Variants in HSD17B12 observed in about 807,000 individuals in gnomAD.
HSD17B12 encodes hydroxysteroid 17-beta dehydrogenase 12.
HSD17B12 carries 32 observed loss-of-function variants against 39.3 expected under a neutral mutation model. The observed-to-expected ratio is 0.81, with a 90% CI of 0.61 to 1.09. The LOEUF (loss-of-function observed/expected upper bound fraction) is 1.09. HSD17B12 is among the 50% of genes least tolerant of loss of function. The pLI is 0.00. For missense variants in HSD17B12, 342 were observed against 382.9 expected (o/e 0.89, Z 0.89); for synonymous variants, 150 against 146.7 (o/e 1.02, Z -0.16).
chr11:43,727,024 C>A (rs571366745), intron 1 of HSD17B12, among the ~76,000 whole-genome samples: 1 of 152,180 alleles, frequency 6.6e-6, no homozygotes, highest in South Asian at 2.1e-4. Context: ...AAATGTGAGA[C>A]CACAGTTATT....
chr11:43,806,898 A>G (rs1211227320), intron 4 of HSD17B12, among the ~76,000 whole-genome samples: 2 of 152,216 alleles, frequency 1.3e-5, no homozygotes, highest in African/African-American at 4.8e-5. Flanking sequence ...ATTTGATTAT[A>G]TGAATGTACC....
At chr11:43,781,563 A>G (rs4755740) in intron 3 of HSD17B12, among the ~76,000 whole-genome samples, 48,967 of 152,034 alleles carry the variant, frequency 0.32, 9,571 homozygotes, top group East Asian at 0.68. Context: ...CTGGGCAGTA[A>G]GAAAACCAAA....
intron 8 of HSD17B12, among the ~76,000 whole-genome samples, chr11:43,839,094 A>T (rs138230521): frequency 6.6e-6 from 1 of 152,142 alleles, no homozygotes; most frequent in African/African-American, 2.4e-5. Flanking sequence ...TGAAGGGAAA[A>T]TGATCACTTA....
chr11:43,716,960 C>T (rs1368020591), intron 1 of HSD17B12, among the ~76,000 whole-genome samples: 1 of 151,804 alleles, frequency 6.6e-6, no homozygotes, highest in Non-Finnish European at 1.5e-5. Flanking sequence ...CCTGAATATT[C>T]ACATGCACAA....
At chr11:43,683,659 T>C (rs1949772521) in intron 1 of HSD17B12, among the ~76,000 whole-genome samples, 1 of 152,192 alleles carries the variant, frequency 6.6e-6, no homozygotes, top group Non-Finnish European at 1.5e-5. Context: ...CTAGTAAGTT[T>C]TTTCCCTACG....
intron 3 of HSD17B12, among the ~76,000 whole-genome samples, chr11:43,784,775 G>A (rs1260952969): frequency 1.3e-5 from 2 of 152,146 alleles, no homozygotes; most frequent in Non-Finnish European, 2.9e-5. Flanking sequence ...TAAAGACTTA[G>A]GATTAAACCT....
rs1033399878 is a variant in HSD17B12 at position 43,798,577 on chromosome 11, A to T, written c.391+150A>T. The T allele has an allele frequency of 7.1e-6, 4 of 561,576 alleles. No homozygotes were observed. The East Asian group carries it at 1.2e-4, about 17-fold the overall frequency. 34.8% of individuals were successfully genotyped at this position (561,576 alleles called of 1,614,324 possible). On this transcript the variant is annotated intron_variant, in intron 4 of 10. Transcript: ENST00000278353. ...TGAATAATATCACTAGGTGACATTA[A>T]TATATACATTTGAATCTGTGTTTTT...
intron 3 of HSD17B12, among the ~76,000 whole-genome samples, chr11:43,766,024 A>G (rs1950592208): frequency 6.6e-6 from 1 of 152,040 alleles, no homozygotes; most frequent in African/African-American, 2.4e-5. Context: ...ACGGGGTTTC[A>G]CCATGTTAGC....
chr11:43,814,683 A>T (rs1379616540), intron 4 of HSD17B12, among the ~76,000 whole-genome samples: 2 of 152,126 alleles, frequency 1.3e-5, no homozygotes, highest in Non-Finnish European at 2.9e-5. Context: ...TCAACTTTTG[A>T]TAGATGGTTT....
chr11:43,654,551 C>A, the HSD17B12 span, among the ~76,000 whole-genome samples: 4 of 151,842 alleles, frequency 2.6e-5, no homozygotes, highest in African/African-American at 9.7e-5. Context: ...AGTCTTTAAT[C>A]CATCTTGAAT....
In HSD17B12 at chr11:43,855,296, C is replaced by T. The variant is rs182511068; in HGVS notation, c.*48C>T. Reference sequence around the variant, plus strand: ...TTGGCCAGATGCTCCAGCATATGCACGTTCACTGCAAAGCACCCTACTGGT... The same window carrying T: ...TTGGCCAGATGCTCCAGCATATGCATGTTCACTGCAAAGCACCCTACTGGT... On this transcript the variant is annotated 3_prime_UTR_variant, in exon 11 of 11. Transcript: ENST00000278353. 4.9e-5 allele frequency: 56 copies of T among 1,137,880 alleles called. No individual in the cohort carries two copies. The East Asian group carries it at 1.2e-3, about 24-fold the overall frequency. 70.5% of individuals were successfully genotyped at this position (1,137,880 alleles called of 1,614,324 possible).
At chr11:43,817,806 T>A (rs896084868) in intron 6 of HSD17B12, among the ~76,000 whole-genome samples, 2 of 151,694 alleles carry the variant, frequency 1.3e-5, no homozygotes, top group African/African-American at 2.4e-5. Flanking sequence ...TTTTGCTTAG[T>A]CTTTTTTTTT....
At chr11:43,603,835 A>G in the HSD17B12 span, among the ~76,000 whole-genome samples, 1 of 152,202 alleles carries the variant, frequency 6.6e-6, no homozygotes, top group East Asian at 1.9e-4. Flanking sequence ...GGATCAGACC[A>G]GTATTTTTCC....
intron 3 of HSD17B12, among the ~76,000 whole-genome samples, chr11:43,780,187 C>T (rs934558660): frequency 3.3e-5 from 5 of 151,648 alleles, no homozygotes; most frequent in African/African-American, 1.2e-4. Context: ...TTTTTTGAGA[C>T]AGAATTTCAC....
At chr11:43,593,363 T>C in the HSD17B12 span, among the ~76,000 whole-genome samples, 1 of 152,240 alleles carries the variant, frequency 6.6e-6, no homozygotes, top group South Asian at 2.1e-4. Flanking sequence ...GAATAGTCTT[T>C]TAATCAAAAA....
intron 4 of HSD17B12, among the ~76,000 whole-genome samples, chr11:43,798,628 T>C (rs969084483): frequency 6.6e-6 from 1 of 152,190 alleles, no homozygotes; most frequent in Non-Finnish European, 1.5e-5. Flanking sequence ...ACATACAATT[T>C]TGGTTATTTT....
chr11:43,785,752 T>C lies in HSD17B12; in HGVS notation c.284-12568T>C, dbSNP rs370064132. On this transcript the variant is annotated intron_variant, in intron 3 of 10. Transcript: ENST00000278353. ...AATATGGAATCTGAAATTATATCAA[T>C]TTTTTACACTGAGTGACATTAAAAT... Among the ~76,000 whole-genome samples, 34 of 152,304 alleles carry C rather than the reference T, an allele frequency of 2.2e-4. No homozygotes were observed. The East Asian group carries it at 3.1e-3, about 14-fold the overall frequency.
At chr11:43,636,716 T>C in the HSD17B12 span, among the ~76,000 whole-genome samples, 2 of 152,168 alleles carry the variant, frequency 1.3e-5, no homozygotes, top group Non-Finnish European at 2.9e-5. Context: ...TTTGAGTGCT[T>C]TACATTAAAT....
chr11:43,579,610 T>C, the HSD17B12 span: 2 of 152,134 alleles, frequency 1.3e-5, no homozygotes, highest in East Asian at 3.9e-4. Flanking sequence ...AGAACTTTTT[T>C]TTCCCAGTTG....
Sources: gnomAD v4.1 joint callset for allele counts (sites outside exome capture counted in the v4.1 genomes callset) on GRCh38, gnomAD v4.1.1 for gene constraint, MANE v1.5 for transcripts, NCBI Gene and HGNC (gene_info 2026-07-23, HGNC 2026-07-21) for gene names.